The following RNMT variants were observed in gnomAD, a reference collection of about 807,000 sequenced individuals.
RNMT encodes the protein mRNA cap guanine-N(7) methyltransferase.
RNMT carries 27 observed loss-of-function variants against 56.0 expected under a neutral mutation model. The observed-to-expected ratio is 0.48, with a 90% CI of 0.36 to 0.67. RNMT has a LOEUF of 0.67. Ranked by LOEUF, RNMT falls within the 30% of genes least tolerant of loss-of-function variation. The pLI, the probability that RNMT is intolerant of heterozygous loss-of-function variation, is 0.00. For synonymous variants in RNMT, 184 were observed against 176.2 expected, an observed-to-expected ratio of 1.04 and a Z score of -0.35; for missense variants, 519 against 552.1, an observed-to-expected ratio of 0.94 and a Z score of 0.60.
intron 8 of RNMT, 81 bp from the exon 9 acceptor site, chr18:13,746,139 A>C (rs1486107509): frequency 1.4e-6 from 1 of 721,678 alleles, no homozygotes; most frequent in East Asian, 2.5e-5. Context: ...TAAGTCCAGA[A>C]GATGTCATTG....
intron 5 of RNMT, among the ~76,000 whole-genome samples, chr18:13,738,976 C>T (rs1179715859): frequency 6.6e-6 from 1 of 152,200 alleles, no homozygotes; most frequent in African/African-American, 2.4e-5. Context: ...CCACTCACCT[C>T]CTGCTGTGCA....
At position 13,728,375 on chromosome 18, in the gene RNMT, G is replaced by A. The variant is rs147109818; in HGVS notation, c.-172+1646G>A. 9.1e-3 allele frequency among the ~76,000 whole-genome samples: 1,110 copies of A among 121,498 alleles called. 20 individuals carry two copies. Among genetic ancestry groups the A allele is most frequent in the African/African-American group, 0.034 (1,049 of 31,294 alleles). The allele number at this position is 121,498 out of a possible 152,430, so 79.7% of individuals were successfully genotyped here. A position where few individuals can be genotyped will look rare whatever the true frequency, so the allele number is the denominator to read the frequency against. ...GTGTGTGACGGAGCCTTGCTCTGTCGCCCAGGCCGGAGTGCAGTGGCTTGA... is the reference window on the plus strand; with the variant it reads ...GTGTGTGACGGAGCCTTGCTCTGTCACCCAGGCCGGAGTGCAGTGGCTTGA... On this transcript the variant is annotated intron_variant, in intron 1 of 11. Transcript: ENST00000383314.
intron 4 of RNMT, among the ~76,000 whole-genome samples, chr18:13,735,763 T>C (rs1304363007): frequency 6.6e-6 from 1 of 152,158 alleles, no homozygotes; most frequent in Non-Finnish European, 1.5e-5. Flanking sequence ...TTTAAAGGAC[T>C]GAAGTCAGAG....
At position 13,759,970 on chromosome 18, in the gene RNMT, ACAGCAGTGAGCACATAGG is replaced by A. The variant is rs773210462; in HGVS notation, c.1426_*12del. 1 of 1,613,398 alleles carries A rather than the reference ACAGCAGTGAGCACATAGG, an allele frequency of 6.2e-7. No individual in the cohort carries two copies. The highest frequency in any genetic ancestry group is 8.5e-7 in the Non-Finnish European group (1 of 1,179,556). ...TTTACTTGGTGTTTGCCTTTGAGAA[ACAGCAGTGAGCACATAGG>A]CAGTAGTCCCAGAGGGGCCGTGTTC... On this transcript the variant is annotated stop_lost and 3_prime_UTR_variant, in exon 12 of 12. Transcript: ENST00000383314.
Position 13,734,579 on chromosome 18 carries a change from G to A in RNMT, c.533G>A (p.Trp178Ter). The A allele has an allele frequency of 1.9e-6, 3 of 1,612,418 alleles. No individual in the cohort carries two copies. Among genetic ancestry groups the A allele is most frequent in the Non-Finnish European group, 2.5e-6 (3 of 1,179,098 alleles). Residue 178 changes from tryptophan (W) to a stop codon, truncating the protein, a stop_gained, in exon 4 of 12, where the codon TGG becomes TAG. Coordinates refer to ENST00000383314, the MANE Select transcript of RNMT (RefSeq NM_003799.3). LOFTEE classifies it high-confidence loss of function. ...RIFYLRNFNN[W>*]MKSVLIGEFL... is the part of the protein sequence containing the mutation. ...TTTTACCTAAGAAACTTTAATAATT[G>A]GATGAAAAGTGTTCTCATTGGTATG... is the stretch of plus-strand genomic sequence containing the variant.
At chr18:13,754,402 G>T (rs1041587018) in intron 11 of RNMT, among the ~76,000 whole-genome samples, 2 of 152,118 alleles carry the variant, frequency 1.3e-5, no homozygotes, top group African/African-American at 4.8e-5. Flanking sequence ...AGCTACTCAG[G>T]AGGCTGAGGT....
rs199947588 is a variant in RNMT at position 13,742,803 on chromosome 18, AAAAC to A, written c.1139+155_1139+158del. On this transcript the variant is annotated intron_variant, in intron 8 of 11. Transcript: ENST00000383314. Reference sequence around the variant, plus strand: ...TTTGTTTTTGTGTTTTTAAAAAAAAAAAACAAAACAAGACTAGCTTCACATCTAG... The same window carrying A: ...TTTGTTTTTGTGTTTTTAAAAAAAAAAAAACAAGACTAGCTTCACATCTAG... The A allele has an allele frequency of 3.7e-3, 2,146 of 582,076 alleles. 7 individuals are homozygous for A. Among genetic ancestry groups the A allele is most frequent in the East Asian group, 0.03 (894 of 29,632 alleles). The allele number at this position is 582,076 out of a possible 1,614,324, so 36.1% of individuals were successfully genotyped here.
Position 13,737,034 on chromosome 18 carries a change from A to G in RNMT, c.578A>G (p.Gln193Arg). Residue 193 changes from glutamine to arginine, a missense_variant, in exon 5 of 12, where the codon CAG becomes CGG. Transcript: ENST00000383314. Reference sequence around the variant, plus strand: ...GGAGAATTTTTGGAAAAGGTACGACAGAAGAAAAAACGTGATATCACTGTT... The same window carrying G: ...GGAGAATTTTTGGAAAAGGTACGACGGAAGAAAAAACGTGATATCACTGTT... The part of the protein sequence containing the change: ...LIGEFLEKVR[Q>R]KKKRDITVLD... 1 of 1,613,686 alleles carries G rather than the reference A, an allele frequency of 6.2e-7. No individual in the cohort carries two copies. The highest frequency in any genetic ancestry group is 8.5e-7 in the Non-Finnish European group (1 of 1,179,756).
chr18:13,753,599 G>A (rs1013300213), intron 10 of RNMT, among the ~76,000 whole-genome samples: 8 of 151,392 alleles, frequency 5.3e-5, no homozygotes, highest in Admixed American at 1.3e-4. Flanking sequence ...GTGAAACCTC[G>A]TCTTTACTAA....
intron 5 of RNMT, among the ~76,000 whole-genome samples, chr18:13,737,438 G>C (rs1291490950): frequency 6.6e-6 from 1 of 151,954 alleles, no homozygotes; most frequent in Non-Finnish European, 1.5e-5. Flanking sequence ...AGCTACTCAG[G>C]AAGCTGAGGC....
intron 11 of RNMT, among the ~76,000 whole-genome samples, chr18:13,758,615 T>C (rs989495311): frequency 1.3e-5 from 2 of 152,234 alleles, no homozygotes; most frequent in Non-Finnish European, 2.9e-5. Context: ...GGGAATGTTG[T>C]GGCTGGTTGA....
chr18:13,733,854 C>T (rs2044115025), intron 3 of RNMT, among the ~76,000 whole-genome samples: 1 of 152,292 alleles, frequency 6.6e-6, no homozygotes, highest in South Asian at 2.1e-4. Flanking sequence ...GACATTGACA[C>T]TAAAATTAAT....
intron 9 of RNMT, among the ~76,000 whole-genome samples, chr18:13,751,506 T>G (rs369510158): frequency 1.5e-4 from 23 of 152,336 alleles, no homozygotes; most frequent in African/African-American, 5.3e-4. Context: ...GGAACGCTTT[T>G]ACACTGTTGG....
chr18:13,752,556 C>T (rs1246837114), intron 10 of RNMT, 129 bp downstream of exon 10: 11 of 613,336 alleles, frequency 1.8e-5, no homozygotes, highest in African/African-American at 3.7e-5. Flanking sequence ...GTTGTTTCCA[C>T]TAAGTGATGT....
chr18:13,731,456 C>G lies in RNMT; in HGVS notation c.-42-20C>G. The G allele has an allele frequency of 2.2e-6, 3 of 1,340,640 alleles. No homozygotes were observed. Among genetic ancestry groups the G allele is most frequent in the Non-Finnish European group, 3.1e-6 (3 of 979,378 alleles). The allele number at this position is 1,340,640 out of a possible 1,614,324, so 83.0% of individuals were successfully genotyped here. A position where few individuals can be genotyped will look rare whatever the true frequency, so the allele number is the denominator to read the frequency against. ...AAGTCTTAGTGTTTACAAGTAATAC[C>G]AATTTTTTTCCTATTCTAGTGTTGG... On this transcript the variant is annotated intron_variant, in intron 2 of 11. Coordinates refer to ENST00000383314, the MANE Select transcript of RNMT (RefSeq NM_003799.3).
At chr18:13,756,455 C>T (rs1598429899) in intron 11 of RNMT, among the ~76,000 whole-genome samples, 1 of 151,958 alleles carries the variant, frequency 6.6e-6, no homozygotes, top group East Asian at 1.9e-4. Context: ...CTGGGCTGCA[C>T]AAAGGTCACA....
At chr18:13,755,389 G>GT (rs971106002) in intron 11 of RNMT, among the ~76,000 whole-genome samples, 2 of 152,232 alleles carry the variant, frequency 1.3e-5, no homozygotes, top group Non-Finnish European at 2.9e-5. Context: ...CTCACATGTT[G>GT]TAACTCATTT....
chr18:13,733,578 A>G (rs746266342), intron 3 of RNMT, among the ~76,000 whole-genome samples: 3 of 152,094 alleles, frequency 2.0e-5, no homozygotes, highest in African/African-American at 4.8e-5. Flanking sequence ...GGGTTTCACC[A>G]TGTTGGCCAG....
At position 13,752,160 on chromosome 18, in the gene RNMT, C is replaced by CT. The variant is rs1035906729; in HGVS notation, c.1258-158dup. On this transcript the variant is annotated intron_variant, in intron 9 of 11. Transcript: ENST00000383314. ...AAATTGGTTTAAGAGAGGATTCTTC[C>CT]TTTTTTTTAATTTTTTTCTGTATTT... 6.9e-5 allele frequency: 39 copies of CT among 564,132 alleles called. 1 individual carries two copies. Among genetic ancestry groups the CT allele is most frequent in the African/African-American group, 1.5e-4 (8 of 53,170 alleles). 34.9% of individuals were successfully genotyped at this position (564,132 alleles called of 1,614,324 possible). A position where few individuals can be genotyped will look rare whatever the true frequency, so the allele number is the denominator to read the frequency against.
Sources: allele counts gnomAD v4.1 joint callset (sites outside exome capture counted in the v4.1 genomes callset), GRCh38; gene constraint gnomAD v4.1.1; transcripts MANE v1.5; gene names NCBI Gene and HGNC (gene_info 2026-07-23, HGNC 2026-07-21).